The following CYFIP2 variants were observed in gnomAD, a reference collection of about 807,000 sequenced individuals.
CYFIP2 encodes cytoplasmic FMR1 interacting protein 2.
Under a neutral mutation model 158.7 loss-of-function variants are expected in CYFIP2, and 29 were observed. The ratio of observed to expected loss-of-function variants is 0.18; its 90% CI spans 0.14 to 0.25. CYFIP2 has a LOEUF of 0.25. Ranked by LOEUF, CYFIP2 falls within the 10% of genes least tolerant of loss-of-function variation. The pLI is 1.00. For synonymous variants in CYFIP2, 585 were observed against 617.6 expected (o/e 0.95, Z 0.78); for missense variants, 852 against 1,639.5 (o/e 0.52, Z 8.29).
At chr5:157,376,994 A>C (rs1035450708) in intron 26 of CYFIP2, 20 of 421,510 alleles carry the variant, frequency 4.7e-5, no homozygotes, top group Admixed American at 4.7e-4. Flanking sequence ...AACGTCATAC[A>C]GGTGCCCTGG....
At chr5:157,356,326 C>T (rs1763407759) in intron 23 of CYFIP2, among the ~76,000 whole-genome samples, 1 of 152,104 alleles carries the variant, frequency 6.6e-6, no homozygotes, top group Admixed American at 6.6e-5. Context: ...GAGGGCTCCA[C>T]CCTCATGGCC....
At chr5:157,324,364 C>T (rs1456804296) in intron 16 of CYFIP2, among the ~76,000 whole-genome samples, 1 of 152,212 alleles carries the variant, frequency 6.6e-6, no homozygotes, top group Non-Finnish European at 1.5e-5. Flanking sequence ...TACGTACATA[C>T]AGACACACGG....
At chr5:157,314,839 C>A in intron 12 of CYFIP2, 130 bp from the exon 13 acceptor site, 1 of 753,856 alleles carries the variant, frequency 1.3e-6, no homozygotes, top group Non-Finnish European at 2.1e-6. Flanking sequence ...CAAGGTTTTT[C>A]ATGTTGTAGC....
At chr5:157,351,348 A>G (rs1215978568) in intron 23 of CYFIP2, among the ~76,000 whole-genome samples, 2 of 152,202 alleles carry the variant, frequency 1.3e-5, no homozygotes, top group Admixed American at 6.5e-5. Flanking sequence ...CCTGAATTGC[A>G]TAGCACTTCC....
chr5:157,360,341 C>T lies in CYFIP2; in HGVS notation c.2877C>T (p.Cys959=), dbSNP rs373712469. The T allele has an allele frequency of 1.9e-6, 3 of 1,613,670 alleles. No individual in the cohort carries two copies. Among genetic ancestry groups the T allele is most frequent in the African/African-American group, 1.3e-5 (1 of 74,930 alleles). ...KTLIEVMPKI[C]RLPRHEYGSP... ...TGATAGAGGTGATGCCCAAGATATG[C>T]CGCTTGCCCCGACATGAGTATGGCT... The change falls in exon 25 of 31, where the codon TGC becomes TGT. Residue 959 remains cysteine (C), a synonymous_variant. Transcript: ENST00000620254.
At position 157,343,451 on chromosome 5, in the gene CYFIP2, T is replaced by C. The variant is rs146490778; in HGVS notation, c.2673+2294T>C. ...GTTCCAGTTGGGCCTGTACATAATA[T>C]GGTAATAGTCCTCCAGGCAGGGCTC... On this transcript the variant is annotated intron_variant, in intron 23 of 30. Coordinates refer to ENST00000620254, the MANE Select transcript of CYFIP2 (RefSeq NM_001037333.3). 9.5e-5 allele frequency: 153 copies of C among 1,613,708 alleles called. 2 individuals are homozygous for C. In the East Asian group the frequency reaches 3.2e-3, roughly 33 times the overall value.
chr5:157,341,487 T>C (rs973523689), intron 23 of CYFIP2: 3 of 314,160 alleles, frequency 9.5e-6, no homozygotes, highest in Admixed American at 4.6e-5. Context: ...AGGAGTGTTA[T>C]GCTGCAGTGA....
intron 28 of CYFIP2, chr5:157,384,938 T>TCAAA (rs1766513709): frequency 4.1e-5 from 1 of 24,292 alleles, no homozygotes; most frequent in South Asian, 2.4e-3. Flanking sequence ...AGACTCCATC[T>TCAAA]CAAAAAAAAA....
chr5:157,286,251 A>G (rs1383223796), intron 2 of CYFIP2, among the ~76,000 whole-genome samples: 4 of 152,014 alleles, frequency 2.6e-5, no homozygotes, highest in Non-Finnish European at 5.9e-5. Context: ...ATTATAAGCA[A>G]TACAGAAAAG....
chr5:157,390,741 CAAG>C, intron 30 of CYFIP2, 73 bp downstream of exon 30: 4 of 1,544,568 alleles, frequency 2.6e-6, no homozygotes, highest in Non-Finnish European at 3.5e-6. Flanking sequence ...GAAAAGCAAA[CAAG>C]GAGGAGCTGC....
chr5:157,300,040 A>G (rs1758608857), intron 5 of CYFIP2, among the ~76,000 whole-genome samples: 1 of 152,182 alleles, frequency 6.6e-6, no homozygotes, highest in Non-Finnish European at 1.5e-5. Context: ...TGGCTATTAA[A>G]TAGCTACTGG....
intron 1 of CYFIP2, among the ~76,000 whole-genome samples, chr5:157,275,412 A>G (rs919310031): frequency 6.6e-6 from 1 of 152,220 alleles, no homozygotes; most frequent in Admixed American, 6.5e-5. Flanking sequence ...GTTGAAAAGA[A>G]TATTCTTTCT....
At chr5:157,317,114 G>A (rs895461084) in intron 13 of CYFIP2, among the ~76,000 whole-genome samples, 4 of 152,096 alleles carry the variant, frequency 2.6e-5, no homozygotes, top group Non-Finnish European at 5.9e-5. Flanking sequence ...CACTGTAAGT[G>A]ATTCAGAAGA....
chr5:157,344,088 C>T (rs1385479911), intron 23 of CYFIP2, among the ~76,000 whole-genome samples: 1 of 152,120 alleles, frequency 6.6e-6, no homozygotes, highest in African/African-American at 2.4e-5. Flanking sequence ...AAATTCGCTT[C>T]GTCACTCTTT....
chr5:157,325,366 A>G (rs1201011785), intron 16 of CYFIP2, 116 bp from the exon 17 acceptor site: 23 of 1,157,956 alleles, frequency 2.0e-5, no homozygotes, highest in Non-Finnish European at 2.5e-5. Context: ...AATCAATATT[A>G]GTACCTGCTA....
At chr5:157,380,366 A>C (rs1269184392) in intron 26 of CYFIP2, among the ~76,000 whole-genome samples, 1 of 152,236 alleles carries the variant, frequency 6.6e-6, no homozygotes, top group African/African-American at 2.4e-5. Flanking sequence ...TTTGTTTCAG[A>C]GACAAACCAT....
chr5:157,371,339 C>T (rs1253203652), intron 26 of CYFIP2, among the ~76,000 whole-genome samples: 1 of 152,152 alleles, frequency 6.6e-6, no homozygotes, highest in Non-Finnish European at 1.5e-5. Context: ...TTTCCAGCTC[C>T]TTTCTCCATA....
chr5:157,358,855 C>T (rs1763601219), intron 23 of CYFIP2, 150 bp from the exon 24 acceptor site: 4 of 987,300 alleles, frequency 4.1e-6, no homozygotes, highest in South Asian at 1.5e-5. Context: ...CTCTCTATGA[C>T]CACCATTTTG....
At position 157,342,950 on chromosome 5, in the gene CYFIP2, G is replaced by A. The variant is rs769576772; in HGVS notation, c.2673+1793G>A. 5 of 1,614,198 alleles carry A rather than the reference G, an allele frequency of 3.1e-6. No homozygotes were observed. The South Asian group carries it at 3.3e-5, about 11-fold the overall frequency. ...ATCAGGGGCATCCTGGTTGGCTTCG[G>A]GATCCAGTTCAGCTCCATCTCTGGA... On this transcript the variant is annotated intron_variant, in intron 23 of 30. Transcript: ENST00000620254.
Sources: allele counts gnomAD v4.1 joint callset (sites outside exome capture counted in the v4.1 genomes callset), GRCh38; gene constraint gnomAD v4.1.1; transcripts MANE v1.5; gene names NCBI Gene and HGNC (gene_info 2026-07-23, HGNC 2026-07-21).